Variants in KAZN observed in about 807,000 individuals in gnomAD.
KAZN encodes kazrin, periplakin interacting protein, also known as kazrin.
KAZN carries 40 observed loss-of-function variants against 87.4 expected under a neutral mutation model. The ratio of observed to expected loss-of-function variants is 0.46; its 90% CI spans 0.36 to 0.60. KAZN has a LOEUF of 0.60. KAZN is among the 20% of genes least tolerant of loss of function. The probability of loss-of-function intolerance (pLI) is 0.00; values close to 1 mark genes in which losing one functional copy is unlikely to be tolerated. For missense variants in KAZN, 898 were observed against 1,073.9 expected, an observed-to-expected ratio of 0.84 and a Z score of 2.29; for synonymous variants, 466 against 458.3, an observed-to-expected ratio of 1.02 and a Z score of -0.22.
chr1:14,604,831 C>T (rs74459090), intron 1 of KAZN, among the ~76,000 whole-genome samples: 2 of 152,210 alleles, frequency 1.3e-5, no homozygotes, highest in South Asian at 4.1e-4. Context: ...AACAGGCAGT[C>T]CTGCAAGCAA....
At chr1:15,050,151 A>AACAGAATGATAG (rs1674187382) in intron 4 of KAZN, among the ~76,000 whole-genome samples, 1 of 107,444 alleles carries the variant, frequency 9.3e-6, no homozygotes, top group African/African-American at 4.6e-5. Context: ...AGAATAATAG[A>AACAGAATGATAG]ATAGAATGGA....
intron 1 of KAZN, among the ~76,000 whole-genome samples, chr1:13,989,189 C>T (rs12125722): frequency 0.12 from 18,222 of 152,120 alleles, 1,237 homozygotes; most frequent in South Asian, 0.24. Context: ...GTCTTCAGCT[C>T]TCATTAGGCC....
At chr1:14,971,933 G>T (rs10927604) in intron 2 of KAZN, among the ~76,000 whole-genome samples, 1 of 151,824 alleles carries the variant, frequency 6.6e-6, no homozygotes, top group East Asian at 1.9e-4. Context: ...TCCCCTGCAG[G>T]GCATTGAGCA....
intron 2 of KAZN, among the ~76,000 whole-genome samples, chr1:14,968,086 A>G (rs1418269505): frequency 6.6e-6 from 1 of 152,136 alleles, no homozygotes; most frequent in Non-Finnish European, 1.5e-5. Context: ...ATTGTAATAT[A>G]TAGTGAAATA....
chr1:14,007,424 C>T (rs1489348012), intron 1 of KAZN, among the ~76,000 whole-genome samples: 1 of 152,054 alleles, frequency 6.6e-6, no homozygotes, highest in Non-Finnish European at 1.5e-5. Context: ...TGTCTATGGC[C>T]AGCTTCCTCC....
At chr1:14,136,806 T>C (rs1004029517) in intron 1 of KAZN, among the ~76,000 whole-genome samples, 1 of 152,140 alleles carries the variant, frequency 6.6e-6, no homozygotes, top group Non-Finnish European at 1.5e-5. Context: ...TGGAAGAGCC[T>C]CTAATGAGCC....
chr1:14,658,853 T>G (rs1047669593), intron 1 of KAZN, among the ~76,000 whole-genome samples: 1 of 152,210 alleles, frequency 6.6e-6, no homozygotes, highest in Non-Finnish European at 1.5e-5. Context: ...CCCAGCAGGA[T>G]GCAGTTTACT....
Position 14,164,454 on chromosome 1 carries a change from T to TTGTGTGTTTG in KAZN, c.92-15974_92-15973insTTGTGTGTGT, listed in dbSNP as rs139942446. On this transcript the variant is annotated intron_variant, in intron 1 of 16. Transcript: ENST00000636203. ...TTTCAAGAGAGAAAACACTATGGCTTTGTGTGTGTGTGTGTGTGTGTGTGT... is the reference window on the plus strand; with the variant it reads ...TTTCAAGAGAGAAAACACTATGGCTTTGTGTGTTTGTGTGTGTGTGTGTGTGTGTGTGTGT... Among the ~76,000 whole-genome samples the TTGTGTGTTTG allele has an allele frequency of 9.7e-5, 14 of 144,734 alleles. No homozygotes were observed. The South Asian group carries it at 3.1e-3, about 32-fold the overall frequency. The allele number at this position is 144,734 out of a possible 152,430, so 95.0% of individuals were successfully genotyped here.
chr1:14,723,162 C>T (rs57116548), intron 1 of KAZN, among the ~76,000 whole-genome samples: 2 of 152,174 alleles, frequency 1.3e-5, no homozygotes, highest in African/African-American at 4.8e-5. Flanking sequence ...ATCTCCATTT[C>T]CTCCTCCTGA....
At chr1:14,833,247 G>GGTATCCATGCTGGACAGAAAGAACAATGA (rs578048266) in intron 1 of KAZN, among the ~76,000 whole-genome samples, 167 of 152,220 alleles carry the variant, frequency 1.1e-3, no homozygotes, top group African/African-American at 3.8e-3. Flanking sequence ...GCAGACAGCA[G>GGTATCCATGCTGGACAGAAAGAACAATGA]GTATCCATGC....
rs894776036 is a variant in KAZN, at chr1:15,112,488, A to G, written c.2110A>G (p.Thr704Ala). 2 of 1,609,648 alleles carry G rather than the reference A, an allele frequency of 1.2e-6. No homozygotes were observed. The highest frequency in any genetic ancestry group is 1.7e-6 in the Non-Finnish European group (2 of 1,178,436). The stretch of plus-strand genomic sequence containing the variant: ...GCCCCCTGGCAGGGCCTCCAGCGTC[A>G]CGCGGGCAGGAAAGGAGGAGAACAG... ...GTPPGRASSV[T>A]RAGKEENSSG... The change falls in exon 14 of 15, where the codon ACG becomes GCG. Residue 704 changes from threonine to alanine, a missense_variant. Thr to Ala is a moderately conservative substitution (Grantham distance 58). Transcript: ENST00000376030.
intron 1 of KAZN, among the ~76,000 whole-genome samples, chr1:14,626,019 C>G (rs546748623): frequency 3.9e-5 from 6 of 152,202 alleles, no homozygotes; most frequent in Non-Finnish European, 7.3e-5. Context: ...AAGCTCTTCT[C>G]CCCTGAGCAT....
chr1:14,761,287 T>G (rs1248625413), intron 1 of KAZN, among the ~76,000 whole-genome samples: 1 of 152,128 alleles, frequency 6.6e-6, no homozygotes, highest in Non-Finnish European at 1.5e-5. Context: ...AAATGCCAAA[T>G]CCTGCCTCTT....
At chr1:14,888,799 T>C (rs528565960) in intron 1 of KAZN, among the ~76,000 whole-genome samples, 1 of 152,268 alleles carries the variant, frequency 6.6e-6, no homozygotes, top group Admixed American at 6.5e-5. Flanking sequence ...TGCAGCTCAA[T>C]GGTGGCTCTG....
At chr1:14,464,547 C>CTT (rs57569390) in intron 2 of KAZN, among the ~76,000 whole-genome samples, 3 of 148,356 alleles carry the variant, frequency 2.0e-5, no homozygotes, top group African/African-American at 7.4e-5. Flanking sequence ...TTTTTTCTTT[C>CTT]TTTTTTTTTG....
chr1:14,286,479 T>C (rs1653260699), intron 2 of KAZN, among the ~76,000 whole-genome samples: 1 of 152,210 alleles, frequency 6.6e-6, no homozygotes, highest in South Asian at 2.1e-4. Flanking sequence ...TTCACATCTG[T>C]AAACTGGAGG....
At chr1:14,549,241 A>G (rs1392585477) in intron 2 of KAZN, among the ~76,000 whole-genome samples, 2 of 152,136 alleles carry the variant, frequency 1.3e-5, no homozygotes, top group African/African-American at 2.4e-5. Flanking sequence ...CTGCCTAGCC[A>G]TTATCGATGC....
intron 1 of KAZN, among the ~76,000 whole-genome samples, chr1:14,103,419 T>A (rs1193222036): frequency 6.6e-6 from 1 of 152,184 alleles, no homozygotes; most frequent in Non-Finnish European, 1.5e-5. Flanking sequence ...CAGTAACAAA[T>A]TACAAGTTTA....
rs1658038642 is a variant in KAZN, at chr1:14,345,454, T to C, written c.249+164862T>C. Among the ~76,000 whole-genome samples the C allele has an allele frequency of 2.0e-5, 3 of 151,670 alleles. 1 individual carries two copies. The South Asian group carries it at 6.2e-4, about 32-fold the overall frequency. On this transcript the variant is annotated intron_variant, in intron 2 of 16. Transcript: ENST00000636203. ...AAAGGAAAAAAAGAAACAGATGGAA[T>C]TAATTTCAATAGCATATTTTATTTA...
Sources: allele counts gnomAD v4.1 joint callset (sites outside exome capture counted in the v4.1 genomes callset), GRCh38; gene constraint gnomAD v4.1.1; transcripts MANE v1.5; gene names NCBI Gene and HGNC (gene_info 2026-07-23, HGNC 2026-07-21).